The following PARD3 variants were observed in gnomAD, a reference collection of about 807,000 sequenced individuals.
PARD3 encodes the protein par-3 family cell polarity regulator, also known as partitioning defective 3 homolog.
A neutral mutation model predicts 155.4 loss-of-function variants in PARD3; 75 were observed. The ratio of observed to expected loss-of-function variants is 0.48; its 90% CI spans 0.40 to 0.58. The LOEUF is 0.58. PARD3 is among the 20% of genes least tolerant of loss of function. PARD3 has a pLI of 0.00. For missense variants in PARD3, 1,642 were observed against 1,721.7 expected (o/e 0.95, Z 0.82); for synonymous variants, 576 against 610.5 (o/e 0.94, Z 0.83).
intron 22 of PARD3, among the ~76,000 whole-genome samples, chr10:34,196,199 C>T (rs1950925158): frequency 6.6e-6 from 1 of 152,208 alleles, no homozygotes; most frequent in Non-Finnish European, 1.5e-5. Context: ...AGACAGAGTT[C>T]TGTATTCCTG....
intron 4 of PARD3, among the ~76,000 whole-genome samples, chr10:34,462,021 T>C (rs920626119): frequency 1.3e-5 from 2 of 152,262 alleles, no homozygotes; most frequent in African/African-American, 4.8e-5. Flanking sequence ...GCCCAGCCTA[T>C]TGTAGAAATG....
chr10:34,684,878 T>TACAC (rs57035644), intron 2 of PARD3, among the ~76,000 whole-genome samples: 5,275 of 137,748 alleles, frequency 0.038, 140 homozygotes, highest in East Asian at 0.055. Flanking sequence ...TACACACACA[T>TACAC]ACACACACAC....
rs77286555 is a variant in PARD3, at chr10:34,395,575, C to T, written c.890+3755G>A. Among the ~76,000 whole-genome samples, 897 of 91,470 alleles carry T rather than the reference C, an allele frequency of 9.8e-3. 245 individuals carry two copies. Among genetic ancestry groups the T allele is most frequent in the East Asian group, 0.095 (365 of 3,846 alleles). 60.0% of individuals were successfully genotyped at this position (91,470 alleles called of 152,430 possible). On this transcript the variant is annotated intron_variant, in intron 7 of 24. Coordinates refer to ENST00000374788, the MANE Select transcript of PARD3 (RefSeq NM_001184785.2). ...ATCATCGGCCGGGCGCGGTGGCTCACGCCTGTAATCCCAGCACTTTGGGAG... is the reference window on the plus strand; with the variant it reads ...ATCATCGGCCGGGCGCGGTGGCTCATGCCTGTAATCCCAGCACTTTGGGAG...
chr10:34,205,897 C>T (rs1249602081), intron 22 of PARD3, among the ~76,000 whole-genome samples: 1 of 152,190 alleles, frequency 6.6e-6, no homozygotes, highest in Non-Finnish European at 1.5e-5. Flanking sequence ...GGCTGCGCAT[C>T]TGATGGCTGC....
intron 2 of PARD3, among the ~76,000 whole-genome samples, chr10:34,579,965 G>A (rs1393258564): frequency 6.6e-6 from 1 of 151,746 alleles, no homozygotes; most frequent in Admixed American, 6.6e-5. Context: ...AGGCTGGAGT[G>A]CAGTGGTGCA....
chr10:34,587,244 TC>T (rs1461877799), intron 2 of PARD3, among the ~76,000 whole-genome samples: 1 of 152,094 alleles, frequency 6.6e-6, no homozygotes, highest in Non-Finnish European at 1.5e-5. Flanking sequence ...TGTCTCAGCC[TC>T]CTGTGTGGCT....
chr10:34,479,382 C>G (rs1182139890), intron 3 of PARD3, among the ~76,000 whole-genome samples: 3 of 151,958 alleles, frequency 2.0e-5, no homozygotes, highest in Admixed American at 6.6e-5. Context: ...AGAATGGACT[C>G]TATCTCCTGA....
At chr10:34,149,362 C>G (rs1406401014) in intron 22 of PARD3, among the ~76,000 whole-genome samples, 4 of 151,850 alleles carry the variant, frequency 2.6e-5, no homozygotes, top group African/African-American at 4.8e-5. Flanking sequence ...TGTAATAAGA[C>G]CAAGAATATT....
chr10:34,381,609 C>A (rs1186392321), intron 9 of PARD3, among the ~76,000 whole-genome samples: 1 of 151,872 alleles, frequency 6.6e-6, no homozygotes, highest in African/African-American at 2.4e-5. Flanking sequence ...AATCGGCAAT[C>A]GACATCATGA....
chr10:34,740,748 GAAC>G (rs2094994537), intron 1 of PARD3, among the ~76,000 whole-genome samples: 1 of 151,800 alleles, frequency 6.6e-6, no homozygotes, highest in Non-Finnish European at 1.5e-5. Context: ...TCTTCATTCT[GAAC>G]AACAAAAAAT....
intron 20 of PARD3, among the ~76,000 whole-genome samples, chr10:34,285,969 A>G (rs1287722280): frequency 6.6e-6 from 1 of 152,206 alleles, no homozygotes; most frequent in Non-Finnish European, 1.5e-5. Context: ...GTTGCAAAAA[A>G]GAAAAATAGA....
At chr10:34,543,338 A>G (rs987054000) in intron 2 of PARD3, among the ~76,000 whole-genome samples, 1 of 152,198 alleles carries the variant, frequency 6.6e-6, no homozygotes, top group African/African-American at 2.4e-5. Context: ...AAAGAATAAC[A>G]TTTTGCAAAA....
intron 1 of PARD3, among the ~76,000 whole-genome samples, chr10:34,740,685 T>C (rs1250699159): frequency 6.6e-6 from 1 of 151,980 alleles, no homozygotes; most frequent in Non-Finnish European, 1.5e-5. Flanking sequence ...TTCTATATCA[T>C]GTGAACAACA....
intron 3 of PARD3, among the ~76,000 whole-genome samples, chr10:34,504,273 G>A (rs1290250273): frequency 6.6e-6 from 1 of 151,768 alleles, no homozygotes; most frequent in East Asian, 1.9e-4. Flanking sequence ...TGAGCCACCA[G>A]GTACAGCTAT....
chr10:34,756,926 T>C (rs896645354), intron 1 of PARD3, among the ~76,000 whole-genome samples: 1 of 152,216 alleles, frequency 6.6e-6, no homozygotes, highest in Non-Finnish European at 1.5e-5. Context: ...CTTTTCTGCA[T>C]GAATCTTAGT....
At chr10:34,307,614 T>G (rs1272694469) in intron 20 of PARD3, among the ~76,000 whole-genome samples, 1 of 152,098 alleles carries the variant, frequency 6.6e-6, no homozygotes. Context: ...ACATTTACAC[T>G]GGCGTTGAAG....
intron 10 of PARD3, among the ~76,000 whole-genome samples, 187 bp from the exon 11 acceptor site, chr10:34,375,189 G>T (rs1211486488): frequency 6.6e-6 from 1 of 151,762 alleles, no homozygotes; most frequent in African/African-American, 2.4e-5. Flanking sequence ...GACTAATAAA[G>T]AAACTAAGAC....
intron 1 of PARD3, among the ~76,000 whole-genome samples, chr10:34,806,899 G>C (rs1032963325): frequency 6.6e-6 from 1 of 152,210 alleles, no homozygotes; most frequent in Non-Finnish European, 1.5e-5. Flanking sequence ...CAGCACCTCT[G>C]AATATGAGAA....
chr10:34,516,435 T>C (rs947607840), intron 3 of PARD3, among the ~76,000 whole-genome samples: 1 of 152,230 alleles, frequency 6.6e-6, no homozygotes, highest in Non-Finnish European at 1.5e-5. Flanking sequence ...ATCCCAGATC[T>C]GGAATACCCA....
Sources: gnomAD v4.1 joint callset for allele counts (sites outside exome capture counted in the v4.1 genomes callset) on GRCh38, gnomAD v4.1.1 for gene constraint, MANE v1.5 for transcripts, NCBI Gene and HGNC (gene_info 2026-07-23, HGNC 2026-07-21) for gene names.